RAB11FIP1: variants seen among roughly 807,000 people sequenced by gnomAD.
The protein encoded by RAB11FIP1 is RAB11 family interacting protein 1, also known as rab11 family-interacting protein 1.
Under a neutral mutation model 83.1 loss-of-function variants are expected in RAB11FIP1, and 49 were observed. That is an observed-to-expected ratio of 0.59 (90% CI 0.47 to 0.75). RAB11FIP1 has a LOEUF of 0.75. Ranked by LOEUF, RAB11FIP1 falls within the 30% of genes least tolerant of loss-of-function variation. The pLI is 0.00. For synonymous variants in RAB11FIP1, 670 were observed against 656.0 expected, an observed-to-expected ratio of 1.02 and a Z score of -0.33; for missense variants, 1,536 against 1,598.7, an observed-to-expected ratio of 0.96 and a Z score of 0.67.
chr8:37,877,619 T>C, intron 1 of RAB11FIP1, 68 bp from the exon 2 acceptor site: 1 of 998,542 alleles, frequency 1.0e-6, no homozygotes, highest in Non-Finnish European at 1.5e-6. Context: ...ACAATCCCCA[T>C]GAACTGGCCT....
intron 1 of RAB11FIP1, among the ~76,000 whole-genome samples, chr8:37,898,714 G>T (rs916156913): frequency 2.6e-5 from 4 of 151,888 alleles, no homozygotes; most frequent in African/African-American, 9.7e-5. Context: ...CAGCTACTCG[G>T]GAGGCTGAGG....
In RAB11FIP1 at chr8:37,874,738, G is replaced by A. The variant is rs368950597; in HGVS notation, c.1399C>T (p.Leu467=). The A allele has an allele frequency of 4.6e-5, 75 of 1,614,052 alleles. No individual in the cohort carries two copies. The highest frequency in any genetic ancestry group is 6.2e-5 in the Non-Finnish European group (73 of 1,180,044). ...TCCTCCCCCGGCTTAACCCCCATCA[G>A]CATGCCTTCCTTCTCCCTCCCTGGG... ...TVPGREKEGM[L]MGVKPGEDAS... Residue 467 remains leucine, a synonymous_variant, in exon 3 of 6, where the codon CTG becomes TTG. Transcript: ENST00000330843.
Position 37,862,299 on chromosome 8 carries a change from T to C in RAB11FIP1, c.*596A>G, listed in dbSNP as rs1446509937. 6.6e-6 allele frequency: 1 copy of C among 152,534 alleles called. No individual in the cohort carries two copies. Among genetic ancestry groups the C allele is most frequent in the Non-Finnish European group, 1.5e-5 (1 of 68,248 alleles). The allele number at this position is 152,534 out of a possible 1,614,324, so 9.4% of individuals were successfully genotyped here. On this transcript the variant is annotated 3_prime_UTR_variant, in exon 6 of 6. Transcript: ENST00000330843. Reference sequence around the variant, plus strand: ...CCGCTTGTTCAAAATCTGAAAGGCATACTCAGAGGCTTTCTCTAAACACCT... The same window carrying C: ...CCGCTTGTTCAAAATCTGAAAGGCACACTCAGAGGCTTTCTCTAAACACCT...
chr8:37,863,978 G>A (rs777306487), intron 5 of RAB11FIP1, among the ~76,000 whole-genome samples: 3 of 152,210 alleles, frequency 2.0e-5, no homozygotes, highest in Admixed American at 6.5e-5. Context: ...GCAGCAGGTC[G>A]AGGTCCAGCC....
chr8:37,886,889 G>C (rs1286836995), intron 1 of RAB11FIP1, among the ~76,000 whole-genome samples: 1 of 152,218 alleles, frequency 6.6e-6, no homozygotes, highest in African/African-American at 2.4e-5. Context: ...AAAACGTCCA[G>C]TCTCTTCTTC....
chr8:37,877,390 T>C lies in RAB11FIP1; in HGVS notation c.533A>G (p.Lys178Arg), dbSNP rs1427514358. The change falls in exon 2 of 6, where the codon AAG (lysine) becomes AGG (arginine). Residue 178 changes from lysine to arginine, a missense_variant. Physicochemically the swap from Lys to Arg is conservative, Grantham distance 26. Transcript: ENST00000330843. ...NPFGKLKDKI[K>R]GKNKDSGSDT... ...TGACCCACTGTCCTTATTCTTCCCC[T>C]TGATCTTGTCCTTCAGCTTTCCAAA... 1.3e-5 allele frequency: 21 copies of C among 1,614,090 alleles called. No individual in the cohort carries two copies. The highest frequency in any genetic ancestry group is 1.8e-5 in the Non-Finnish European group (21 of 1,180,044).
At chr8:37,891,628 G>T (rs1439901897) in intron 1 of RAB11FIP1, among the ~76,000 whole-genome samples, 1 of 152,152 alleles carries the variant, frequency 6.6e-6, no homozygotes, top group African/African-American at 2.4e-5. Flanking sequence ...AAATACAATA[G>T]AAGTCTTTGT....
rs776937361 is a variant in RAB11FIP1 at position 37,871,969 on chromosome 8, A to C, written c.2833T>G (p.Ser945Ala). The change falls in exon 4 of 6, where the codon TCA (serine) becomes GCA (alanine). Residue 945 changes from serine (S) to alanine (A), a missense_variant. Transcript: ENST00000330843. ...GCCATGATTGGAGATTTAAAATCTG[A>C]GACCAACTGAAGGTCACTCAAGGGG... ...SDPLSDLQLV[S>A]DFKSPIMADL... is the part of the protein sequence containing the mutation. 3.1e-6 allele frequency: 5 copies of C among 1,614,068 alleles called. No individual in the cohort carries two copies. The Admixed American group carries it at 8.3e-5, about 27-fold the overall frequency.
At position 37,871,166 on chromosome 8, in the gene RAB11FIP1, G is replaced by C. The variant is rs1053321813; in HGVS notation, c.3524+112C>G. ...CAGCCCTACCAGCAGGACAGTGACA[G>C]GTGGGTTGTCACATCAGACGTCTGT... On this transcript the variant is annotated intron_variant, in intron 4 of 5. Transcript: ENST00000330843. 8.6e-6 allele frequency: 12 copies of C among 1,392,054 alleles called. No individual in the cohort carries two copies. The African/African-American group carries it at 1.6e-4, about 18-fold the overall frequency. 86.2% of individuals were successfully genotyped at this position (1,392,054 alleles called of 1,614,324 possible). A position where few individuals can be genotyped will look rare whatever the true frequency, so the allele number is the denominator to read the frequency against.
chr8:37,863,065 C>T lies in RAB11FIP1; in HGVS notation c.3682G>A (p.Asp1228Asn), dbSNP rs749114731. Residue 1228 changes from aspartate to asparagine, a missense_variant, in exon 6 of 6, where the codon GAT (aspartate) becomes AAT (asparagine). Physicochemically the swap from Asp to Asn is conservative, Grantham distance 23 (BLOSUM62 1). Coordinates refer to ENST00000330843, the MANE Select transcript of RAB11FIP1 (RefSeq NM_001002814.3). ...PAFAYAQLTHDELIQLVLKQK... is the reference protein window; with the variant it reads ...PAFAYAQLTHNELIQLVLKQK... Reference sequence around the variant, plus strand: ...TTGAGGACCAGCTGAATCAGCTCATCGTGGGTCAGCTGCGCATATGCAAAT... The same window carrying T: ...TTGAGGACCAGCTGAATCAGCTCATTGTGGGTCAGCTGCGCATATGCAAAT... 22 of 1,612,404 alleles carry T rather than the reference C, an allele frequency of 1.4e-5. No homozygotes were observed. Among genetic ancestry groups the T allele is most frequent in the Admixed American group, 8.3e-5 (5 of 59,934 alleles).
At chr8:37,886,819 T>C (rs1020916271) in intron 1 of RAB11FIP1, among the ~76,000 whole-genome samples, 1 of 152,204 alleles carries the variant, frequency 6.6e-6, no homozygotes, top group African/African-American at 2.4e-5. Flanking sequence ...GCAAATCATG[T>C]AGTTAGCAGT....
intron 5 of RAB11FIP1, among the ~76,000 whole-genome samples, chr8:37,865,753 T>TA (rs1200679922): frequency 3.9e-5 from 6 of 152,262 alleles, no homozygotes; most frequent in Non-Finnish European, 7.3e-5. Flanking sequence ...AATGGATGCT[T>TA]AAAATCTCAT....
In RAB11FIP1 at chr8:37,899,431, A is replaced by G. The variant is rs1235185913; in HGVS notation, c.11T>C (p.Met4Thr). ...CCCCAGGCCCCGGCCAGCCGAGACC[A>G]TTAGGGACATGGTGACGATAACACT... is the stretch of plus-strand genomic sequence containing the variant. MSL[M>T]VSAGRGLGAV... is the part of the protein sequence containing the mutation. Residue 4 changes from methionine (M) to threonine (T), a missense_variant, in exon 1 of 6, where the codon ATG (methionine) becomes ACG (threonine). Physicochemically the swap from Met to Thr is moderately conservative, Grantham distance 81 (BLOSUM62 -1). Coordinates refer to ENST00000330843, the MANE Select transcript of RAB11FIP1 (RefSeq NM_001002814.3). This position sits in a 1 kb window ranked among gnomAD's most constrained non-coding sequence, Gnocchi z 4.5. 2.1e-5 allele frequency: 33 copies of G among 1,563,266 alleles called. No individual in the cohort carries two copies. Among genetic ancestry groups the G allele is most frequent in the Non-Finnish European group, 2.5e-5 (29 of 1,158,028 alleles).
intron 1 of RAB11FIP1, among the ~76,000 whole-genome samples, chr8:37,889,255 G>A (rs575718821): frequency 3.3e-4 from 51 of 152,288 alleles, no homozygotes; most frequent in Admixed American, 5.2e-4. Context: ...GGTTTTCTAA[G>A]TGGAGAGCAA....
At chr8:37,863,226 G>A in intron 5 of RAB11FIP1, 113 bp from the exon 6 acceptor site, 1 of 741,952 alleles carries the variant, frequency 1.3e-6, no homozygotes, top group Non-Finnish European at 2.2e-6. Flanking sequence ...GGGTCTCTTG[G>A]GAATCCATTT....
At chr8:37,867,629 C>G (rs1447228099) in intron 5 of RAB11FIP1, among the ~76,000 whole-genome samples, 2 of 151,660 alleles carry the variant, frequency 1.3e-5, no homozygotes, top group Non-Finnish European at 1.5e-5. Context: ...ATTGCTTGAA[C>G]CTGGGAGGTA....
chr8:37,885,886 TC>T (rs758270969), intron 1 of RAB11FIP1, among the ~76,000 whole-genome samples: 11 of 152,290 alleles, frequency 7.2e-5, no homozygotes, highest in East Asian at 5.8e-4. Flanking sequence ...CCAGAGCTGA[TC>T]CCAGGGGTCC....
In RAB11FIP1 at chr8:37,888,457, T is replaced by A. The variant is rs1356117302; in HGVS notation, c.371+10614A>T. Among the ~76,000 whole-genome samples, 3 of 151,848 alleles carry A rather than the reference T, an allele frequency of 2.0e-5. No individual in the cohort carries two copies. The East Asian group carries it at 5.8e-4, about 29-fold the overall frequency. On this transcript the variant is annotated intron_variant, in intron 1 of 5. Coordinates refer to ENST00000330843, the MANE Select transcript of RAB11FIP1 (RefSeq NM_001002814.3). ...AAAATTTTTAACAAACCATGATCAG[T>A]GTGTACTTTCTTTAAAAAAAAAAAT...
chr8:37,889,861 G>A (rs189741436), intron 1 of RAB11FIP1, among the ~76,000 whole-genome samples: 171 of 152,034 alleles, frequency 1.1e-3, no homozygotes, highest in Middle Eastern at 3.4e-3. Context: ...TTGGCTCACC[G>A]CAAGCTCTGC....
Sources: gnomAD v4.1 joint callset for allele counts (sites outside exome capture counted in the v4.1 genomes callset) on GRCh38, gnomAD v4.1.1 for gene constraint, Gnocchi (gnomAD v3.1) non-coding constraint, MANE v1.5 for transcripts, NCBI Gene and HGNC (gene_info 2026-07-23, HGNC 2026-07-21) for gene names.